The following DNAAF9 variants were observed in gnomAD, a reference collection of about 807,000 sequenced individuals.
DNAAF9 encodes dynein axonemal assembly factor 9, also known as shulin.
A neutral mutation model predicts 167.0 loss-of-function variants in DNAAF9; 90 were observed. The observed-to-expected ratio is 0.54, with a 90% confidence interval of 0.45 to 0.64. DNAAF9 has a LOEUF of 0.64. DNAAF9 is among the 30% of genes least tolerant of loss of function. The pLI is 0.00. For missense variants in DNAAF9, 1,315 were observed against 1,442.2 expected, an observed-to-expected ratio of 0.91 and a Z score of 1.43; for synonymous variants, 491 against 508.8, an observed-to-expected ratio of 0.96 and a Z score of 0.47.
At chr20:3,349,945 G>A (rs528568166) in intron 7 of DNAAF9, among the ~76,000 whole-genome samples, 1 of 152,216 alleles carries the variant, frequency 6.6e-6, no homozygotes, top group East Asian at 1.9e-4. Context: ...CAGGCATTCT[G>A]TTTGCTGCAC....
At position 3,255,281 on chromosome 20, in the gene DNAAF9, G is replaced by A; in HGVS notation, c.3265C>T (p.Pro1089Ser). 1 of 1,548,766 alleles carries A rather than the reference G, an allele frequency of 6.5e-7. No individual in the cohort carries two copies. Among genetic ancestry groups the A allele is most frequent in the Non-Finnish European group, 8.7e-7 (1 of 1,144,532 alleles). Reference sequence around the variant, plus strand: ...CTGGTCTTCAGGGCTTTCCTCTGAGGCTTCTGCAGAGATGGGGAGTGGAGG... The same window carrying A: ...CTGGTCTTCAGGGCTTTCCTCTGAGACTTCTGCAGAGATGGGGAGTGGAGG... ...DWLRQSAKQK[P>S]QRKALKTRGM... is the part of the protein sequence containing the mutation. Residue 1089 changes from proline to serine, a missense_variant, in exon 35 of 37, where the codon CCT becomes TCT. By Grantham distance (74) the Pro-to-Ser change is moderately conservative (BLOSUM62 -1). Around this residue, in one of 2 missense-constraint regions of DNAAF9, gnomAD observed 334 missense variants for 429.7 expected, o/e 0.78. Coordinates refer to ENST00000252032, the MANE Select transcript of DNAAF9 (RefSeq NM_001009984.3).
At position 3,255,987 on chromosome 20, in the gene DNAAF9, T is replaced by C. The variant is rs1270451651; in HGVS notation, c.3261+19A>G. Reference sequence around the variant, plus strand: ...TCTGGTCACATCTGTGTCAGGTCTGTCTGGGCTCTGGAAACCACCTGCTTA... The same window carrying C: ...TCTGGTCACATCTGTGTCAGGTCTGCCTGGGCTCTGGAAACCACCTGCTTA... On this transcript the variant is annotated intron_variant, in intron 34 of 36. Transcript: ENST00000252032. The C allele has an allele frequency of 1.9e-6, 3 of 1,600,482 alleles. No individual in the cohort carries two copies. The highest frequency in any genetic ancestry group is 2.2e-5 in the East Asian group (1 of 44,840).
chr20:3,258,510 A>G (rs184057764), intron 33 of DNAAF9, among the ~76,000 whole-genome samples: 14 of 152,268 alleles, frequency 9.2e-5, no homozygotes, highest in African/African-American at 2.6e-4. Context: ...ATCCAATGAG[A>G]TAAGTCGGCA....
At chr20:3,391,578 C>CT (rs34396355) in intron 1 of DNAAF9, among the ~76,000 whole-genome samples, 70,885 of 120,866 alleles carry the variant, frequency 0.59, 21,432 homozygotes, top group South Asian at 0.7. Context: ...TTTTTTCCTT[C>CT]TTTTTTTTTT....
Position 3,324,886 on chromosome 20 carries a change from G to C in DNAAF9, c.1265+6C>G. 6.6e-7 allele frequency: 1 copy of C among 1,519,760 alleles called. No homozygotes were observed. 94.1% of individuals were successfully genotyped at this position (1,519,760 alleles called of 1,614,324 possible). A position where few individuals can be genotyped will look rare whatever the true frequency, so the allele number is the denominator to read the frequency against. On this transcript the variant is annotated splice_donor_region_variant and intron_variant, in intron 14 of 36. Coordinates refer to ENST00000252032, the MANE Select transcript of DNAAF9 (RefSeq NM_001009984.3). Reference sequence around the variant, plus strand: ...TTCCTTATAAAAAATATCAGCCATTGCTTACCGCAGGGCTGCCTTAAACGG... The same window carrying C: ...TTCCTTATAAAAAATATCAGCCATTCCTTACCGCAGGGCTGCCTTAAACGG...
chr20:3,381,941 T>A (rs1024956956), intron 2 of DNAAF9, among the ~76,000 whole-genome samples: 1 of 152,126 alleles, frequency 6.6e-6, no homozygotes, highest in African/African-American at 2.4e-5. Context: ...ACTTTACAAT[T>A]ATGAGGCTCA....
intron 4 of DNAAF9, among the ~76,000 whole-genome samples, chr20:3,375,772 T>C (rs994785628): frequency 4.0e-5 from 6 of 151,762 alleles, no homozygotes; most frequent in South Asian, 2.1e-4. Context: ...TGCTTGAACC[T>C]GGGAGGTCGA....
chr20:3,268,975 C>G (rs1366085587), intron 30 of DNAAF9, among the ~76,000 whole-genome samples: 1 of 137,972 alleles, frequency 7.2e-6, no homozygotes, highest in East Asian at 2.2e-4. Context: ...GCGGTCTTGG[C>G]TCACTGCAAG....
At chr20:3,299,737 T>C (rs2069150358) in intron 21 of DNAAF9, among the ~76,000 whole-genome samples, 1 of 152,248 alleles carries the variant, frequency 6.6e-6, no homozygotes, top group African/African-American at 2.4e-5. Flanking sequence ...CTGGTCCATA[T>C]GCCTGACCTT....
intron 7 of DNAAF9, among the ~76,000 whole-genome samples, chr20:3,350,104 A>C (rs1011756793): frequency 2.6e-5 from 4 of 151,154 alleles, no homozygotes; most frequent in Non-Finnish European, 5.9e-5. Flanking sequence ...AACATTGTCT[A>C]CTTGCTGCCC....
chr20:3,328,188 T>TTTTTTTGTTTGTTTGTTTTG (rs1555792498), intron 12 of DNAAF9, among the ~76,000 whole-genome samples: 71 of 138,838 alleles, frequency 5.1e-4, no homozygotes, highest in African/African-American at 1.9e-3. Context: ...GCTCTGTTTT[T>TTTTTTTGTTTGTTTGTTTTG]TTTTTTTTTT....
At chr20:3,394,131 C>T (rs373655550) in intron 1 of DNAAF9, among the ~76,000 whole-genome samples, 29 of 152,108 alleles carry the variant, frequency 1.9e-4, no homozygotes, top group Admixed American at 5.2e-4. Context: ...TGAGACCAGA[C>T]GTTCGAGACC....
chr20:3,341,622 C>A (rs976346474), intron 9 of DNAAF9, among the ~76,000 whole-genome samples: 3 of 152,154 alleles, frequency 2.0e-5, no homozygotes, highest in Non-Finnish European at 2.9e-5. Context: ...TCTCAAAAGC[C>A]TTCCTATTTA....
intron 29 of DNAAF9, among the ~76,000 whole-genome samples, chr20:3,274,136 CTTTATT>C (rs199996633): frequency 0.014 from 2,101 of 152,006 alleles, 50 homozygotes; most frequent in African/African-American, 0.047. Flanking sequence ...GACTTATATT[CTTTATT>C]TTTATTTTTA....
intron 16 of DNAAF9, 131 bp downstream of exon 16, chr20:3,322,086 G>A (rs1456949622): frequency 2.1e-5 from 14 of 680,864 alleles, no homozygotes; most frequent in Non-Finnish European, 3.7e-5. Flanking sequence ...GGCTGGGATA[G>A]GACTGAGAGA....
At chr20:3,373,711 G>A (rs985753908) in intron 6 of DNAAF9, among the ~76,000 whole-genome samples, 1 of 152,176 alleles carries the variant, frequency 6.6e-6, no homozygotes, top group African/African-American at 2.4e-5. Flanking sequence ...GTGGGCAAGT[G>A]GGTGAGTGTG....
chr20:3,386,865 C>T (rs917353260), intron 1 of DNAAF9, among the ~76,000 whole-genome samples: 6 of 151,880 alleles, frequency 4.0e-5, no homozygotes, highest in African/African-American at 7.3e-5. Flanking sequence ...ACAACATGTT[C>T]GACATCATTA....
At chr20:3,384,756 G>A (rs546073012) in intron 1 of DNAAF9, among the ~76,000 whole-genome samples, 22 of 151,738 alleles carry the variant, frequency 1.4e-4, no homozygotes, top group Non-Finnish European at 2.2e-4. Flanking sequence ...CTATACACTA[G>A]GACCAAGTGG....
intron 1 of DNAAF9, 94 bp downstream of exon 1, chr20:3,407,381 T>C (rs962925282): frequency 9.5e-6 from 10 of 1,051,154 alleles, no homozygotes; most frequent in East Asian, 6.7e-5. Flanking sequence ...GAGGAAGCCA[T>C]GTCGGACCAC....
Sources: allele counts gnomAD v4.1 joint callset (sites outside exome capture counted in the v4.1 genomes callset), GRCh38; gene constraint gnomAD v4.1.1; regional missense constraint gnomAD v4.1.1; transcripts MANE v1.5; gene names NCBI Gene and HGNC (gene_info 2026-07-23, HGNC 2026-07-21).